The following NOL4 variants were observed in gnomAD, a reference collection of about 807,000 sequenced individuals.
NOL4 encodes nucleolar protein 4.
NOL4 carries 17 observed loss-of-function variants against 75.9 expected under a neutral mutation model. That is an observed-to-expected ratio of 0.22 (90% CI 0.15 to 0.34). NOL4 has a LOEUF of 0.34. Among genes scored for constraint, NOL4 ranks in the 10% least tolerant of loss-of-function variants. NOL4 has a pLI of 1.00. For missense variants in NOL4, 614 were observed against 793.5 expected, an observed-to-expected ratio of 0.77 and a Z score of 2.72; for synonymous variants, 292 against 289.9, an observed-to-expected ratio of 1.01 and a Z score of -0.07.
chr18:34,009,959 G>A lies in NOL4; in HGVS notation c.1056+9359C>T, dbSNP rs910827730. On this transcript the variant is annotated intron_variant, in intron 6 of 10. Coordinates refer to ENST00000261592, the MANE Select transcript of NOL4 (RefSeq NM_003787.5). ...TAAGTTAGTTATTAGAATAATCCTG[G>A]CACATAGTATACAAGTACTCAATAT... Among the ~76,000 whole-genome samples the A allele has an allele frequency of 2.6e-5, 4 of 151,706 alleles. No individual in the cohort carries two copies. The Admixed American group carries it at 2.6e-4, about 10-fold the overall frequency.
rs1555696186 is a variant in NOL4, at chr18:34,024,194, A to ATATATATATATATATATAT, written c.773-4594_773-4593insATATATATATATATATATA. On this transcript the variant is annotated intron_variant, in intron 5 of 10. Coordinates refer to ENST00000261592, the MANE Select transcript of NOL4 (RefSeq NM_003787.5). ...CAAAATAAACAGGAAAAAAAAAAAA[A>ATATATATATATATATATAT]ATATATATATATATATATATAAAAT... Among the ~76,000 whole-genome samples, 17 of 70,682 alleles carry ATATATATATATATATATAT rather than the reference A, an allele frequency of 2.4e-4. 1 individual carries two copies. Among genetic ancestry groups the ATATATATATATATATATAT allele is most frequent in the African/African-American group, 8.4e-4 (16 of 18,962 alleles). 46.4% of individuals were successfully genotyped at this position (70,682 alleles called of 152,430 possible).
chr18:33,872,871 A>T (rs1453924024), intron 10 of NOL4, among the ~76,000 whole-genome samples: 1 of 152,068 alleles, frequency 6.6e-6, no homozygotes, highest in Admixed American at 6.6e-5. Flanking sequence ...AAATAGGAAA[A>T]TACTTTAAGT....
intron 9 of NOL4, among the ~76,000 whole-genome samples, chr18:33,892,791 G>C (rs1475297418): frequency 6.6e-6 from 1 of 151,874 alleles, no homozygotes; most frequent in Non-Finnish European, 1.5e-5. Context: ...GTGAGTAGCT[G>C]GGACCACAGG....
At chr18:34,170,239 A>G (rs1458540934) in intron 1 of NOL4, among the ~76,000 whole-genome samples, 1 of 150,900 alleles carries the variant, frequency 6.6e-6, no homozygotes, top group Non-Finnish European at 1.5e-5. Context: ...GTACAATGGC[A>G]TGATCTCAAC....
intron 8 of NOL4, among the ~76,000 whole-genome samples, chr18:33,949,133 A>T (rs551371321): frequency 6.6e-6 from 1 of 152,246 alleles, no homozygotes; most frequent in South Asian, 2.1e-4. Flanking sequence ...TTATGCAACA[A>T]ACCTAGTATG....
At chr18:34,034,818 C>T (rs2075812921) in intron 5 of NOL4, among the ~76,000 whole-genome samples, 1 of 147,448 alleles carries the variant, frequency 6.8e-6, no homozygotes, top group Non-Finnish European at 1.5e-5. Flanking sequence ...ATAAAATGTA[C>T]TTCAAGTCAA....
intron 1 of NOL4, among the ~76,000 whole-genome samples, chr18:34,184,456 C>T (rs1045515029): frequency 1.3e-5 from 2 of 152,002 alleles, no homozygotes; most frequent in African/African-American, 2.4e-5. Flanking sequence ...GTTGCCACTA[C>T]TTTGACATTC....
At chr18:34,028,519 C>T (rs1311584173) in intron 5 of NOL4, among the ~76,000 whole-genome samples, 2 of 152,238 alleles carry the variant, frequency 1.3e-5, no homozygotes, top group Non-Finnish European at 2.9e-5. Context: ...GCTGAAACTG[C>T]CAAGGCAGGC....
intron 5 of NOL4, among the ~76,000 whole-genome samples, chr18:34,074,688 G>GT (rs2077671071): frequency 1.3e-5 from 2 of 152,066 alleles, no homozygotes; most frequent in South Asian, 4.1e-4. Context: ...TTAGGGCACA[G>GT]TGTAATAAAC....
At chr18:33,972,242 A>G (rs2071125767) in intron 6 of NOL4, among the ~76,000 whole-genome samples, 2 of 152,098 alleles carry the variant, frequency 1.3e-5, no homozygotes, top group East Asian at 3.8e-4. Flanking sequence ...TTTAAAGCTA[A>G]AAGTAAATGT....
At chr18:34,063,689 T>C (rs2077154154) in intron 5 of NOL4, among the ~76,000 whole-genome samples, 1 of 152,118 alleles carries the variant, frequency 6.6e-6, no homozygotes, top group South Asian at 2.1e-4. Context: ...TAGGACCAAA[T>C]AAAATAATGT....
At chr18:33,947,704 A>T (rs923162967) in intron 8 of NOL4, among the ~76,000 whole-genome samples, 4 of 151,848 alleles carry the variant, frequency 2.6e-5, no homozygotes, top group African/African-American at 9.7e-5. Context: ...AGATAATGGT[A>T]CCTACCCTCA....
intron 6 of NOL4, among the ~76,000 whole-genome samples, chr18:34,014,523 T>C (rs2074569406): frequency 6.6e-6 from 1 of 151,986 alleles, no homozygotes; most frequent in South Asian, 2.1e-4. Context: ...TCACTGCCAT[T>C]AGAATTCTTT....
rs551577168 is a variant in NOL4, at chr18:34,163,423, C to T, written c.265-33403G>A. ...GGATACAAAATCAATGTACAAAAAT[C>T]ACAAGCATTCTTATACACCAACAAC... On this transcript the variant is annotated intron_variant, in intron 1 of 10. Coordinates refer to ENST00000261592, the MANE Select transcript of NOL4 (RefSeq NM_003787.5). Among the ~76,000 whole-genome samples the T allele has an allele frequency of 6.3e-3, 960 of 151,888 alleles. 13 individuals carry two copies. Among genetic ancestry groups the T allele is most frequent in the South Asian group, 0.016 (76 of 4,798 alleles).
chr18:34,038,599 C>A (rs2076013151), intron 5 of NOL4, among the ~76,000 whole-genome samples: 1 of 152,124 alleles, frequency 6.6e-6, no homozygotes, highest in Non-Finnish European at 1.5e-5. Context: ...ATGGGTGGAA[C>A]TGGAGGTCAT....
In NOL4 at chr18:34,051,384, T is replaced by C. The variant is rs751747717; in HGVS notation, c.773-31783A>G. On this transcript the variant is annotated intron_variant, in intron 5 of 10. Coordinates refer to ENST00000261592, the MANE Select transcript of NOL4 (RefSeq NM_003787.5). ...TTATAAAATTCAATAAATAAATATG[T>C]ATTCAAGTAATCAATGAACTAAATT... 9.8e-4 allele frequency among the ~76,000 whole-genome samples: 149 copies of C among 152,260 alleles called. 4 individuals are homozygous for C. Among genetic ancestry groups the C allele is most frequent in the Admixed American group, 2.6e-4 (4 of 15,266 alleles).
At chr18:33,933,170 T>C (rs1286871915) in intron 9 of NOL4, among the ~76,000 whole-genome samples, 1 of 152,178 alleles carries the variant, frequency 6.6e-6, no homozygotes, top group Non-Finnish European at 1.5e-5. Context: ...TACCCTATAT[T>C]GTAGTCTATT....
At chr18:33,869,696 G>A (rs944681957) in intron 10 of NOL4, among the ~76,000 whole-genome samples, 7 of 151,964 alleles carry the variant, frequency 4.6e-5, no homozygotes, top group African/African-American at 1.2e-4. Context: ...GAAATATAGA[G>A]TATTTACACT....
chr18:34,169,409 T>C (rs1363169907), intron 1 of NOL4, among the ~76,000 whole-genome samples: 1 of 151,428 alleles, frequency 6.6e-6, no homozygotes, highest in Non-Finnish European at 1.5e-5. Context: ...ATTTAACTAA[T>C]TTTTAATGTG....
Sources: gnomAD v4.1 joint callset for allele counts (sites outside exome capture counted in the v4.1 genomes callset) on GRCh38, gnomAD v4.1.1 for gene constraint, MANE v1.5 for transcripts, NCBI Gene and HGNC (gene_info 2026-07-23, HGNC 2026-07-21) for gene names.